EXOC3: variants seen among roughly 807,000 people sequenced by gnomAD.
The protein encoded by EXOC3 is SEC6-like 1.
A neutral mutation model predicts 73.7 loss-of-function variants in EXOC3; 21 were observed. The ratio of observed to expected loss-of-function variants is 0.29; its 90% CI spans 0.20 to 0.41. The LOEUF is 0.41. Ranked by LOEUF, EXOC3 falls within the 10% of genes least tolerant of loss-of-function variation. The pLI, the probability that EXOC3 is intolerant of heterozygous loss-of-function variation, is 1.00. For missense variants in EXOC3, 842 were observed against 985.1 expected, an observed-to-expected ratio of 0.85 and a Z score of 1.95; for synonymous variants, 410 against 389.1, an observed-to-expected ratio of 1.05 and a Z score of -0.63.
At chr5:456,082 T>C (rs1355112002) in intron 4 of EXOC3, among the ~76,000 whole-genome samples, 1 of 152,196 alleles carries the variant, frequency 6.6e-6, no homozygotes, top group Non-Finnish European at 1.5e-5. Context: ...CTGCAGTGGC[T>C]TGTTTCCAAA....
chr5:447,862 GGTAA>G (rs1737551623), intron 3 of EXOC3, 110 bp downstream of exon 3: 1 of 732,608 alleles, frequency 1.4e-6, no homozygotes, highest in Non-Finnish European at 2.2e-6. Flanking sequence ...ACCTGTAGAC[GGTAA>G]GTGTGATTCT....
intron 11 of EXOC3, 62 bp downstream of exon 11, chr5:465,334 C>T (rs1222094830): frequency 6.6e-7 from 1 of 1,519,086 alleles, no homozygotes; most frequent in East Asian, 2.4e-5. Flanking sequence ...GTTCAGCCTC[C>T]ACCCCGGGAC....
At position 467,007 on chromosome 5, in the gene EXOC3, G is replaced by C. The variant is rs970850922; in HGVS notation, c.*109G>C. The stretch of plus-strand genomic sequence containing the variant: ...CCACACGTGCTCCTTTTAGCTGCAC[G>C]GCCTGTCTTTAGGTGCCAGTGTGAT... On this transcript the variant is annotated 3_prime_UTR_variant, in exon 13 of 13. Coordinates refer to ENST00000512944, the MANE Select transcript of EXOC3 (RefSeq NM_007277.5). 1.0e-5 allele frequency: 12 copies of C among 1,176,954 alleles called. No homozygotes were observed. Among genetic ancestry groups the C allele is most frequent in the Middle Eastern group, 2.4e-4 (1 of 4,142 alleles). 72.9% of individuals were successfully genotyped at this position (1,176,954 alleles called of 1,614,324 possible). A position where few individuals can be genotyped will look rare whatever the true frequency, so the allele number is the denominator to read the frequency against.
At chr5:448,947 T>C (rs1737581235) in intron 3 of EXOC3, among the ~76,000 whole-genome samples, 1 of 152,238 alleles carries the variant, frequency 6.6e-6, no homozygotes, top group African/African-American at 2.4e-5. Context: ...GTGGGCCGCC[T>C]GGAACAGGAA....
At chr5:450,755 C>A (rs768789375) in intron 3 of EXOC3, among the ~76,000 whole-genome samples, 25 of 135,246 alleles carry the variant, frequency 1.8e-4, no homozygotes, top group Non-Finnish European at 3.3e-4. Context: ...TCTTGCTGAA[C>A]CTTCTATTAA....
In EXOC3 at chr5:467,034, C is replaced by T. The variant is rs1397224147; in HGVS notation, c.*136C>T. The T allele has an allele frequency of 4.4e-6, 4 of 904,530 alleles. No homozygotes were observed. Among genetic ancestry groups the T allele is most frequent in the Non-Finnish European group, 6.6e-6 (4 of 603,352 alleles). 56.0% of individuals were successfully genotyped at this position (904,530 alleles called of 1,614,324 possible). A position where few individuals can be genotyped will look rare whatever the true frequency, so the allele number is the denominator to read the frequency against. On this transcript the variant is annotated 3_prime_UTR_variant, in exon 13 of 13. Transcript: ENST00000512944. Reference sequence around the variant, plus strand: ...CCTGTCTTTAGGTGCCAGTGTGATGCACCGGGTGTGCGTCGAGTGAGCGTC... The same window carrying T: ...CCTGTCTTTAGGTGCCAGTGTGATGTACCGGGTGTGCGTCGAGTGAGCGTC...
chr5:464,577 C>A, intron 10 of EXOC3, 165 bp downstream of exon 10: 1 of 672,160 alleles, frequency 1.5e-6, no homozygotes, highest in Non-Finnish European at 2.5e-6. Flanking sequence ...CTCCCTGGGA[C>A]GGGGCTCTGG....
chr5:465,359 G>C, intron 11 of EXOC3, 87 bp downstream of exon 11: 2 of 1,419,786 alleles, frequency 1.4e-6, no homozygotes, highest in South Asian at 2.5e-5. Context: ...GCCAGTAGAT[G>C]GGAGTGTGTC....
chr5:466,215 C>G, intron 12 of EXOC3: 1 of 284,948 alleles, frequency 3.5e-6, no homozygotes. Context: ...CGGGAGGGCC[C>G]AAGTGCAGCT....
intron 5 of EXOC3, chr5:457,275 A>G: frequency 2.1e-6 from 1 of 471,416 alleles, no homozygotes. Flanking sequence ...AGGGCCCAGA[A>G]CGTCTGAACC....
intron 7 of EXOC3, 181 bp downstream of exon 7, chr5:459,640 C>A: frequency 2.0e-6 from 1 of 492,792 alleles, no homozygotes; most frequent in Non-Finnish European, 3.6e-6. Context: ...ATCATCTTCC[C>A]CTTGAGTGGA....
Position 466,830 on chromosome 5 carries a change from C to T in EXOC3, c.2170C>T (p.Pro724Ser). 1 of 1,613,338 alleles carries T rather than the reference C, an allele frequency of 6.2e-7. No individual in the cohort carries two copies. Among genetic ancestry groups the T allele is most frequent in the Non-Finnish European group, 8.5e-7 (1 of 1,179,760 alleles). Residue 724 changes from proline (P) to serine (S), a missense_variant, in exon 13 of 13, where the codon CCC (proline) becomes TCC (serine). Physicochemically the swap from Pro to Ser is moderately conservative, Grantham distance 74. Coordinates refer to ENST00000512944, the MANE Select transcript of EXOC3 (RefSeq NM_007277.5). ...TLEQGPAQAS[P>S]SYVPLFKDIV... is the part of the protein sequence containing the mutation. ...GGAGCAGGGCCCAGCACAGGCCAGC[C>T]CCAGCTACGTGCCCCTCTTCAAGGA...
At chr5:453,020 G>A (rs1320786658) in intron 3 of EXOC3, among the ~76,000 whole-genome samples, 3 of 152,168 alleles carry the variant, frequency 2.0e-5, no homozygotes, top group Non-Finnish European at 4.4e-5. Flanking sequence ...ACAGATCTCC[G>A]GTGTGGAGGA....
In EXOC3 at chr5:447,691, C is replaced by T. The variant is rs1382189538; in HGVS notation, c.303C>T (p.Asp101=). The change falls in exon 3 of 13, where the codon GAC becomes GAT. Residue 101 remains aspartate, a synonymous_variant. Coordinates refer to ENST00000512944, the MANE Select transcript of EXOC3 (RefSeq NM_007277.5). ...TTGAGAGCCTCAAGGACGTCAAAGACGCCGTGGTGCAGCACAGCCAGCTCG... is the reference window on the plus strand; with the variant it reads ...TTGAGAGCCTCAAGGACGTCAAAGATGCCGTGGTGCAGCACAGCCAGCTCG... ...NTIESLKDVK[D]AVVQHSQLAA... The T allele has an allele frequency of 8.2e-6, 13 of 1,590,986 alleles. No individual in the cohort carries two copies. The highest frequency in any genetic ancestry group is 2.3e-5 in the East Asian group (1 of 43,548).
chr5:466,745 G>A lies in EXOC3; in HGVS notation c.2085G>A (p.Ala695=), dbSNP rs769499382. ...TCCCCAGGGATGACCACATCGGTGC[G>A]CTGCTGGCTGTGCGTGGGGACGCCA... ...YPDIRDDHIG[A]LLAVRGDASR... The change falls in exon 13 of 13, where the codon GCG becomes GCA. Residue 695 remains alanine, a synonymous_variant. Transcript: ENST00000512944. The A allele has an allele frequency of 2.6e-5, 42 of 1,612,796 alleles. No individual in the cohort carries two copies. The highest frequency in any genetic ancestry group is 3.4e-5 in the Non-Finnish European group (40 of 1,179,726).
At chr5:465,697 C>A in intron 11 of EXOC3, 21 bp from the exon 12 acceptor site, 1 of 1,613,524 alleles carries the variant, frequency 6.2e-7, no homozygotes, top group Non-Finnish European at 8.5e-7. Context: ...GGCGGCTCCT[C>A]ACATTGCTGC....
intron 10 of EXOC3, chr5:464,636 A>G (rs1447666866): frequency 2.0e-6 from 1 of 500,554 alleles, no homozygotes; most frequent in Non-Finnish European, 3.6e-6. Context: ...GGAGGGAGCC[A>G]TGGTTCCCGG....
Position 465,213 on chromosome 5 carries a change from G to A in EXOC3, c.1879G>A (p.Ala627Thr). ...GAGCCCGGAGGAGCGCAAGGAGGGT[G>A]CCGAGAAGATGGTTAGGGAGGCAGA... is the stretch of plus-strand genomic sequence containing the variant. ...FRSPEERKEGAEKMVREAEQL... is the reference protein window; with the variant it reads ...FRSPEERKEGTEKMVREAEQL... Residue 627 changes from alanine to threonine, a missense_variant, in exon 11 of 13, where the codon GCC becomes ACC. Transcript: ENST00000512944. 16 of 1,593,706 alleles carry A rather than the reference G, an allele frequency of 1.0e-5. No individual in the cohort carries two copies. The highest frequency in any genetic ancestry group is 1.2e-5 in the Non-Finnish European group (14 of 1,170,496).
rs1403312986 is a variant in EXOC3, at chr5:464,419, A to G, written c.1776+7A>G. ...TAAAAAGCCGTATAAGAAGGTAAGAAGGTGGGACCTAGTTCCCTCATCACC... is the reference window on the plus strand; with the variant it reads ...TAAAAAGCCGTATAAGAAGGTAAGAGGGTGGGACCTAGTTCCCTCATCACC... On this transcript the variant is annotated splice_region_variant and intron_variant, in intron 10 of 12. Coordinates refer to ENST00000512944, the MANE Select transcript of EXOC3 (RefSeq NM_007277.5). The G allele has an allele frequency of 6.2e-7, 1 of 1,613,028 alleles. No individual in the cohort carries two copies. The highest frequency in any genetic ancestry group is 8.5e-7 in the Non-Finnish European group (1 of 1,179,280).
Sources: gnomAD v4.1 joint callset for allele counts (sites outside exome capture counted in the v4.1 genomes callset) on GRCh38, gnomAD v4.1.1 for gene constraint, MANE v1.5 for transcripts, NCBI Gene and HGNC (gene_info 2026-07-23, HGNC 2026-07-21) for gene names.